Variants in JADE2 observed in about 807,000 individuals in gnomAD.
The protein encoded by JADE2 is jade family PHD finger 2.
In JADE2, 13 loss-of-function variants were observed where a neutral mutation model predicts 85.7. The observed-to-expected ratio is 0.15, with a 90% CI of 0.10 to 0.24. The LOEUF is 0.24. Ranked by LOEUF, JADE2 falls within the 10% of genes least tolerant of loss-of-function variation. The pLI is 1.00. For missense variants in JADE2, 846 were observed against 1,115.9 expected, an observed-to-expected ratio of 0.76 and a Z score of 3.45; for synonymous variants, 440 against 456.1, an observed-to-expected ratio of 0.96 and a Z score of 0.45.
At chr5:134,531,451 A>AT (rs1169766797) in intron 1 of JADE2, among the ~76,000 whole-genome samples, 4 of 151,678 alleles carry the variant, frequency 2.6e-5, no homozygotes, top group African/African-American at 4.8e-5. Context: ...TTTTGTTCTA[A>AT]TTTTTTTTAG....
At chr5:134,552,469 T>C (rs1762649689) in intron 4 of JADE2, among the ~76,000 whole-genome samples, 1 of 152,232 alleles carries the variant, frequency 6.6e-6, no homozygotes, top group Non-Finnish European at 1.5e-5. Flanking sequence ...AGTGTGGCCT[T>C]AGACCAGAAA....
intron 3 of JADE2, among the ~76,000 whole-genome samples, chr5:134,539,769 A>G (rs1487596589): frequency 1.3e-5 from 2 of 152,136 alleles, no homozygotes; most frequent in Admixed American, 1.3e-4. Context: ...CCTCTATGCT[A>G]CCTCACCACA....
chr5:134,567,346 C>G (rs1005377875), intron 9 of JADE2, among the ~76,000 whole-genome samples: 4 of 152,124 alleles, frequency 2.6e-5, no homozygotes, highest in Admixed American at 2.0e-4. Context: ...GGTGGGCTGG[C>G]TGAAAACCAC....
intron 4 of JADE2, among the ~76,000 whole-genome samples, chr5:134,557,401 C>CT (rs1763044624): frequency 9.1e-6 from 1 of 109,668 alleles, no homozygotes; most frequent in East Asian, 2.7e-4. Flanking sequence ...TAATTATACT[C>CT]TAAGTTTTAG....
At chr5:134,541,298 T>C (rs555043649) in intron 3 of JADE2, among the ~76,000 whole-genome samples, 2 of 152,350 alleles carry the variant, frequency 1.3e-5, no homozygotes, top group African/African-American at 2.4e-5. Context: ...TTCCAACTTA[T>C]CTTGGGGCAG....
At chr5:134,540,112 G>C (rs1293909240) in intron 3 of JADE2, among the ~76,000 whole-genome samples, 1 of 152,162 alleles carries the variant, frequency 6.6e-6, no homozygotes, top group Non-Finnish European at 1.5e-5. Flanking sequence ...CTTGGTAGGG[G>C]GATGGGATGT....
chr5:134,578,159 C>T lies in JADE2; in HGVS notation c.1682-335C>T, dbSNP rs1445746282. Among the ~76,000 whole-genome samples the T allele has an allele frequency of 6.6e-6, 1 of 152,200 alleles. No homozygotes were observed. Among genetic ancestry groups the T allele is most frequent in the Non-Finnish European group, 1.5e-5 (1 of 68,036 alleles). ...GGCTTTCTGGTAAAATCCAAAAAAC[C>T]TGCTAGACAAACTAAAAGAGCTATA... On this transcript the variant is annotated intron_variant, in intron 11 of 11. Coordinates refer to ENST00000681547, the MANE Select transcript of JADE2 (RefSeq NM_001388185.1). This position sits in a 1 kb window ranked among gnomAD's most constrained non-coding sequence, Gnocchi z 4.4.
intron 3 of JADE2, among the ~76,000 whole-genome samples, chr5:134,551,046 C>T (rs1436961442): frequency 6.6e-6 from 1 of 152,060 alleles, no homozygotes; most frequent in East Asian, 1.9e-4. Flanking sequence ...GCCCTAAGCC[C>T]CGGCCGTCCC....
intron 11 of JADE2, among the ~76,000 whole-genome samples, chr5:134,577,617 G>C (rs1366681033): frequency 6.6e-6 from 1 of 152,158 alleles, no homozygotes; most frequent in Non-Finnish European, 1.5e-5. Context: ...CTTGAGCCCA[G>C]GAGGTTGAGG....
In JADE2 at chr5:134,559,832, T is replaced by G. The variant is rs1484566779; in HGVS notation, c.314T>G (p.Ile105Ser). ...AEAIPEPVVR[I>S]LPPLEGPPAQ... The stretch of plus-strand genomic sequence containing the variant: ...GACATCCTGTCTTGATTTTCTAGGA[T>G]CCTCCCACCACTGGAAGGCCCCCCT... Residue 105 changes from isoleucine to serine, a missense_variant and splice_region_variant, in exon 5 of 12, where the codon ATC becomes AGC. Around this residue, in one of 9 missense-constraint regions of JADE2, gnomAD observed 78 missense variants for 64.9 expected, o/e 1.20. Coordinates refer to ENST00000681547, the MANE Select transcript of JADE2 (RefSeq NM_001388185.1). 1 of 1,606,490 alleles carries G rather than the reference T, an allele frequency of 6.2e-7. No homozygotes were observed. The highest frequency in any genetic ancestry group is 8.5e-7 in the Non-Finnish European group (1 of 1,177,084).
intron 3 of JADE2, among the ~76,000 whole-genome samples, chr5:134,550,377 A>T (rs1180665174): frequency 2.0e-5 from 3 of 152,110 alleles, no homozygotes; most frequent in African/African-American, 7.2e-5. Flanking sequence ...TTGGACCTAG[A>T]TTCAAATGAG....
intron 3 of JADE2, among the ~76,000 whole-genome samples, chr5:134,542,435 C>CTTTTTT (rs10568722): frequency 7.5e-5 from 7 of 93,462 alleles, no homozygotes; most frequent in Admixed American, 2.4e-4. Context: ...GTACCTATAC[C>CTTTTTT]TTTTTTTTTT....
chr5:134,542,061 A>G (rs988433116), intron 3 of JADE2, among the ~76,000 whole-genome samples: 21 of 152,152 alleles, frequency 1.4e-4, no homozygotes, highest in Non-Finnish European at 1.0e-4. Context: ...CTGGGCTAGG[A>G]TTTTTGGTGG....
Position 134,573,709 on chromosome 5 carries a change from A to G in JADE2, c.1499A>G (p.Gln500Arg), listed in dbSNP as rs1012852045. 20 of 1,613,832 alleles carry G rather than the reference A, an allele frequency of 1.2e-5. No individual in the cohort carries two copies. The Admixed American group carries it at 3.2e-4, about 26-fold the overall frequency. Residue 500 changes from glutamine (Q) to arginine (R), a missense_variant, in exon 10 of 12, where the codon CAG becomes CGG. Coordinates refer to ENST00000681547, the MANE Select transcript of JADE2 (RefSeq NM_001388185.1). Reference protein sequence around the residue: ...ERTKHAICKLQEQIFHLQMKL... With the variant: ...ERTKHAICKLREQIFHLQMKL... The stretch of plus-strand genomic sequence containing the variant: ...ACGAAACACGCCATCTGCAAACTCC[A>G]GGAGCAGATATTCCACCTGCAGATG...
intron 1 of JADE2, among the ~76,000 whole-genome samples, chr5:134,531,885 T>A (rs1034894315): frequency 1.6e-5 from 1 of 63,566 alleles, no homozygotes. Context: ...GTGCCTGGCT[T>A]TTTTTTTTTT....
intron 5 of JADE2, 90 bp from the exon 6 acceptor site, chr5:134,560,656 A>T (rs1763265410): frequency 8.8e-7 from 1 of 1,130,256 alleles, no homozygotes; most frequent in Non-Finnish European, 1.3e-6. Flanking sequence ...ATCTGCCCTG[A>T]ATTCCTGCAA....
chr5:134,576,671 G>A, intron 10 of JADE2, 97 bp from the exon 11 acceptor site: 1 of 1,429,060 alleles, frequency 7.0e-7, no homozygotes, highest in Non-Finnish European at 9.5e-7. Flanking sequence ...AGCACTGGCT[G>A]ATGGAGGACT....
chr5:134,560,984 C>T, intron 6 of JADE2, 27 bp downstream of exon 6: 2 of 1,596,850 alleles, frequency 1.3e-6, no homozygotes, highest in Middle Eastern at 1.7e-4. Context: ...GTCACCCTCA[C>T]CTGTGCCATG....
chr5:134,546,809 T>C (rs1223467669), intron 3 of JADE2, among the ~76,000 whole-genome samples: 1 of 152,132 alleles, frequency 6.6e-6, no homozygotes, highest in Non-Finnish European at 1.5e-5. Context: ...CAAGTAATTA[T>C]ATTTTGTAGT....
Sources: allele counts gnomAD v4.1 joint callset (sites outside exome capture counted in the v4.1 genomes callset), GRCh38; gene constraint gnomAD v4.1.1; regional missense constraint gnomAD v4.1.1; non-coding constraint Gnocchi (gnomAD v3.1); transcripts MANE v1.5; gene names NCBI Gene and HGNC (gene_info 2026-07-23, HGNC 2026-07-21).